The following CLEC16A variants were observed in gnomAD, a reference collection of about 807,000 sequenced individuals.
CLEC16A encodes C-type lectin domain containing 16A, also known as protein CLEC16A.
In CLEC16A, 51 loss-of-function variants were observed where a neutral mutation model predicts 109.5. That is an observed-to-expected ratio of 0.47 (90% CI 0.37 to 0.59). CLEC16A has a LOEUF of 0.59. Among genes scored for constraint, CLEC16A ranks in the 20% least tolerant of loss-of-function variants. CLEC16A has a pLI of 0.00. For missense variants in CLEC16A, 1,339 were observed against 1,394.0 expected, an observed-to-expected ratio of 0.96 and a Z score of 0.63; for synonymous variants, 673 against 564.2, an observed-to-expected ratio of 1.19 and a Z score of -2.73.
At chr16:10,975,299 A>G (rs2042981195) in intron 7 of CLEC16A, among the ~76,000 whole-genome samples, 1 of 152,212 alleles carries the variant, frequency 6.6e-6, no homozygotes, top group African/African-American at 2.4e-5. Context: ...ACTGCACTCC[A>G]GCCTGGGTGA....
rs2046875521 is a variant in CLEC16A, at chr16:11,033,773, GC to G, written c.1538-5980del. On this transcript the variant is annotated intron_variant, in intron 13 of 23. Coordinates refer to ENST00000409790, the MANE Select transcript of CLEC16A (RefSeq NM_015226.3). ...CAGTAATCATAATAGATTAGATGCT[GC>G]ACCGAAATGAATATCCCACAGTGGA... Among the ~76,000 whole-genome samples, 4 of 152,302 alleles carry G rather than the reference GC, an allele frequency of 2.6e-5. No homozygotes were observed. In the South Asian group the frequency reaches 8.3e-4, roughly 32 times the overall value.
At chr16:11,124,231 A>C (rs1288220242) in intron 21 of CLEC16A, among the ~76,000 whole-genome samples, 1 of 152,160 alleles carries the variant, frequency 6.6e-6, no homozygotes, top group South Asian at 2.1e-4. Context: ...TTCACACTGA[A>C]ATTCTCAAGC....
At chr16:11,036,677 G>A (rs1246119695) in intron 13 of CLEC16A, among the ~76,000 whole-genome samples, 1 of 151,112 alleles carries the variant, frequency 6.6e-6, no homozygotes, top group East Asian at 2.0e-4. Flanking sequence ...AGCCTCTCAA[G>A]TAGCTGGTAC....
intron 19 of CLEC16A, among the ~76,000 whole-genome samples, chr16:11,064,039 A>G (rs559875879): frequency 1.3e-5 from 2 of 152,282 alleles, no homozygotes; most frequent in African/African-American, 4.8e-5. Flanking sequence ...GTGGATTTCT[A>G]GAGAAAATAG....
chr16:11,062,372 CTA>C lies in CLEC16A; in HGVS notation c.2116+1353_2116+1354del, dbSNP rs2048529572. Among the ~76,000 whole-genome samples, 8 of 152,288 alleles carry C rather than the reference CTA, an allele frequency of 5.3e-5. No homozygotes were observed. In the South Asian group the frequency reaches 1.7e-3, roughly 32 times the overall value. ...TATAATTCAATGAGTTTTGACAAAA[CTA>C]TAGAGTTGTGATCTAGACCCTGCTT... is the stretch of plus-strand genomic sequence containing the variant. On this transcript the variant is annotated intron_variant, in intron 19 of 23. Coordinates refer to ENST00000409790, the MANE Select transcript of CLEC16A (RefSeq NM_015226.3).
intron 16 of CLEC16A, among the ~76,000 whole-genome samples, chr16:11,044,760 G>A (rs545117831): frequency 4.4e-4 from 67 of 151,892 alleles, no homozygotes; most frequent in Admixed American, 1.0e-3. Flanking sequence ...GAGAAACCCC[G>A]TCTCTACTAA....
At chr16:11,060,840 G>A in intron 18 of CLEC16A, 62 bp from the exon 19 acceptor site, 2 of 1,450,634 alleles carry the variant, frequency 1.4e-6, no homozygotes, top group South Asian at 1.5e-5. Flanking sequence ...CTGGGTGTGG[G>A]GCATCTCACT....
At chr16:10,978,557 C>A (rs529194714) in intron 8 of CLEC16A, among the ~76,000 whole-genome samples, 117 of 152,352 alleles carry the variant, frequency 7.7e-4, no homozygotes, top group Non-Finnish European at 9.8e-4. Flanking sequence ...CAGGCATGAG[C>A]CACCGTGCCC....
intron 14 of CLEC16A, 79 bp from the exon 15 acceptor site, chr16:11,042,175 C>A: frequency 9.4e-7 from 1 of 1,060,590 alleles, no homozygotes; most frequent in South Asian, 1.4e-5. Context: ...CTGCTAGCCT[C>A]AACGTGGATA....
At chr16:10,946,299 C>T (rs553378676) in intron 1 of CLEC16A, among the ~76,000 whole-genome samples, 2 of 152,260 alleles carry the variant, frequency 1.3e-5, no homozygotes, top group South Asian at 2.1e-4. Context: ...TCTCATGTGT[C>T]CCCGGGAGTG....
chr16:11,115,351 C>T (rs1431677950), intron 19 of CLEC16A, among the ~76,000 whole-genome samples: 1 of 152,100 alleles, frequency 6.6e-6, no homozygotes, highest in African/African-American at 2.4e-5. Context: ...AAAAGATTCC[C>T]ACTGAGAAAA....
chr16:10,978,562 G>A (rs574075775), intron 8 of CLEC16A, among the ~76,000 whole-genome samples: 60 of 152,318 alleles, frequency 3.9e-4, no homozygotes, highest in African/African-American at 1.3e-3. Context: ...ATGAGCCACC[G>A]TGCCCAGCCA....
intron 19 of CLEC16A, among the ~76,000 whole-genome samples, chr16:11,114,873 C>T (rs2051865926): frequency 6.6e-6 from 1 of 152,250 alleles, no homozygotes; most frequent in Admixed American, 6.5e-5. Flanking sequence ...AACTGCCCCA[C>T]AGCCTCTGAA....
rs572335274 is a variant in CLEC16A, at chr16:11,089,000, C to G, written c.2116+27978C>G. On this transcript the variant is annotated intron_variant, in intron 19 of 23. Transcript: ENST00000409790. Reference sequence around the variant, plus strand: ...GCCACCCACAGTACCCCCTTTCCCCCCAGGCCACCTGCTTCTCCAGCAGGA... The same window carrying G: ...GCCACCCACAGTACCCCCTTTCCCCGCAGGCCACCTGCTTCTCCAGCAGGA... Among the ~76,000 whole-genome samples the G allele has an allele frequency of 7.2e-5, 11 of 152,316 alleles. No individual in the cohort carries two copies. The East Asian group carries it at 1.7e-3, about 24-fold the overall frequency.
At chr16:11,067,669 C>T (rs1357932116) in intron 19 of CLEC16A, among the ~76,000 whole-genome samples, 1 of 152,114 alleles carries the variant, frequency 6.6e-6, no homozygotes, top group Non-Finnish European at 1.5e-5. Flanking sequence ...CTCAAAAGGC[C>T]CTCTCTGGCC....
intron 11 of CLEC16A, among the ~76,000 whole-genome samples, chr16:11,018,478 G>A (rs1417816564): frequency 1.3e-5 from 2 of 151,864 alleles, no homozygotes; most frequent in Non-Finnish European, 2.9e-5. Flanking sequence ...GGCCAGGCGC[G>A]GTAGCTCACG....
Position 10,982,942 on chromosome 16 carries a change from A to C in CLEC16A, c.1022A>C (p.Asp341Ala). ...NSLAEVILNG[D>A]LSEMYAKTEQ... ...TTAGCTGAAGTCATTCTGAATGGTG[A>C]TCTGTCTGAGATGTACGCTAAGACT... The change falls in exon 10 of 24, where the codon GAT becomes GCT. Residue 341 changes from aspartate to alanine, a missense_variant. Asp to Ala is a moderately radical substitution (Grantham distance 126). Coordinates refer to ENST00000409790, the MANE Select transcript of CLEC16A (RefSeq NM_015226.3). The C allele has an allele frequency of 6.2e-7, 1 of 1,613,254 alleles. No homozygotes were observed. Among genetic ancestry groups the C allele is most frequent in the Non-Finnish European group, 8.5e-7 (1 of 1,179,158 alleles).
intron 10 of CLEC16A, among the ~76,000 whole-genome samples, chr16:10,985,152 G>C (rs551992334): frequency 6.8e-6 from 1 of 146,186 alleles, no homozygotes; most frequent in East Asian, 2.0e-4. Context: ...GCAGTGAGCT[G>C]AGATTGCGCC....
chr16:11,070,195 C>G (rs1351514395), intron 19 of CLEC16A, among the ~76,000 whole-genome samples: 2 of 151,998 alleles, frequency 1.3e-5, no homozygotes, highest in Non-Finnish European at 2.9e-5. Context: ...CTCAGCCTCC[C>G]GAGTAGCTGG....
Sources: gnomAD v4.1 joint callset for allele counts (sites outside exome capture counted in the v4.1 genomes callset) on GRCh38, gnomAD v4.1.1 for gene constraint, MANE v1.5 for transcripts, NCBI Gene and HGNC (gene_info 2026-07-23, HGNC 2026-07-21) for gene names.